The following ADARB2 variants were observed in gnomAD, a reference collection of about 807,000 sequenced individuals.
ADARB2 encodes the protein adenosine deaminase RNA specific B2 (inactive), also known as inactive double-stranded RNA-specific editase B2.
A neutral mutation model predicts 62.2 loss-of-function variants in ADARB2; 25 were observed. That is an observed-to-expected ratio of 0.40 (90% CI 0.29 to 0.56). The LOEUF is 0.56. Among genes scored for constraint, ADARB2 ranks in the 20% least tolerant of loss-of-function variants. The probability of loss-of-function intolerance (pLI) is 0.43; values close to 1 mark genes in which losing one functional copy is unlikely to be tolerated. For synonymous variants in ADARB2, 572 were observed against 500.8 expected, an observed-to-expected ratio of 1.14 and a Z score of -1.90; for missense variants, 1,071 against 1,077.4, an observed-to-expected ratio of 0.99 and a Z score of 0.08.
chr10:1,526,056 G>A (rs1024474522), intron 1 of ADARB2, among the ~76,000 whole-genome samples: 3 of 152,166 alleles, frequency 2.0e-5, no homozygotes, highest in Non-Finnish European at 4.4e-5. Context: ...TGTGTTGAGG[G>A]GCTGTTGCTC....
At chr10:1,350,808 T>G (rs1283840747) in intron 3 of ADARB2, among the ~76,000 whole-genome samples, 1 of 152,028 alleles carries the variant, frequency 6.6e-6, no homozygotes, top group Non-Finnish European at 1.5e-5. Flanking sequence ...ATTCCGGCCC[T>G]CAAACCCCAC....
At chr10:1,305,118 T>G (rs963857107) in intron 3 of ADARB2, among the ~76,000 whole-genome samples, 5 of 140,870 alleles carry the variant, frequency 3.5e-5, no homozygotes, top group African/African-American at 1.3e-4. Flanking sequence ...CAGGAGCTGG[T>G]TTTTTGAAAG....
At chr10:1,267,136 TA>T (rs551410020) in intron 4 of ADARB2, among the ~76,000 whole-genome samples, 4,820 of 129,372 alleles carry the variant, frequency 0.037, 81 homozygotes, top group South Asian at 0.06. Context: ...AAATCCAAGT[TA>T]AAAAAAAAAA....
chr10:1,686,897 G>T (rs1279180843), intron 1 of ADARB2, among the ~76,000 whole-genome samples: 3 of 151,860 alleles, frequency 2.0e-5, no homozygotes, highest in African/African-American at 4.8e-5. Flanking sequence ...CTAACTAATT[G>T]TGATCAAAGT....
chr10:1,283,086 A>T (rs1290744847), intron 3 of ADARB2, among the ~76,000 whole-genome samples: 1 of 152,198 alleles, frequency 6.6e-6, no homozygotes, highest in African/African-American at 2.4e-5. Context: ...ATGGAGGTCA[A>T]ATGCCAGCTC....
At chr10:1,221,180 G>A (rs1830692185) in intron 6 of ADARB2, among the ~76,000 whole-genome samples, 1 of 152,196 alleles carries the variant, frequency 6.6e-6, no homozygotes, top group African/African-American at 2.4e-5. Context: ...AGTGGATTTA[G>A]AGTGTGCCTG....
intron 1 of ADARB2, among the ~76,000 whole-genome samples, chr10:1,572,625 G>T (rs1029285642): frequency 6.6e-6 from 1 of 151,780 alleles, no homozygotes; most frequent in Non-Finnish European, 1.5e-5. Flanking sequence ...TAGGATGTGG[G>T]CAGAACTTGG....
chr10:1,220,554 A>G (rs74778897), intron 6 of ADARB2, among the ~76,000 whole-genome samples: 5,853 of 152,328 alleles, frequency 0.038, 362 homozygotes, highest in African/African-American at 0.13. Flanking sequence ...CATTGAAAGC[A>G]TGGAGGAGCC....
At chr10:1,666,695 C>T (rs1486276568) in intron 1 of ADARB2, among the ~76,000 whole-genome samples, 2 of 152,020 alleles carry the variant, frequency 1.3e-5, no homozygotes, top group African/African-American at 4.8e-5. Flanking sequence ...TTTTGAGGGG[C>T]GAGGGCATCT....
chr10:1,523,872 A>T (rs557574749), intron 1 of ADARB2, among the ~76,000 whole-genome samples: 9 of 152,318 alleles, frequency 5.9e-5, no homozygotes, highest in Admixed American at 2.0e-4. Flanking sequence ...TGGCCTGCAT[A>T]TTATAAACAG....
rs1031574201 is a variant in ADARB2 at position 1,695,811 on chromosome 10, CAT to C, written c.100+41238_100+41239del. Among the ~76,000 whole-genome samples, 23 of 151,780 alleles carry C rather than the reference CAT, an allele frequency of 1.5e-4. 1 individual carries two copies. The highest frequency in any genetic ancestry group is 3.4e-3 in the Middle Eastern group (1 of 294). On this transcript the variant is annotated intron_variant, in intron 1 of 9. Transcript: ENST00000381312. ...ATGGGTGCATGTGTGTATATATGTA[CAT>C]GTGTTTGTGAGAGTGCATGCATGTG...
chr10:1,379,650 C>T (rs551763664), intron 1 of ADARB2, among the ~76,000 whole-genome samples: 4 of 152,176 alleles, frequency 2.6e-5, no homozygotes, highest in African/African-American at 7.2e-5. Flanking sequence ...TGTCACTTAG[C>T]GGGTGTTTGG....
intron 1 of ADARB2, among the ~76,000 whole-genome samples, chr10:1,515,154 G>A (rs1831993138): frequency 6.6e-6 from 1 of 152,208 alleles, no homozygotes; most frequent in African/African-American, 2.4e-5. Flanking sequence ...GAACAAAATT[G>A]GAGAGGAAAA....
chr10:1,678,492 G>T (rs978844980), intron 1 of ADARB2, among the ~76,000 whole-genome samples: 4 of 152,072 alleles, frequency 2.6e-5, no homozygotes, highest in Admixed American at 2.6e-4. Context: ...GCATGCAGGG[G>T]GGCTGCCTGG....
At chr10:1,493,908 A>G (rs962493612) in intron 1 of ADARB2, among the ~76,000 whole-genome samples, 1 of 151,602 alleles carries the variant, frequency 6.6e-6, no homozygotes, top group African/African-American at 2.4e-5. Flanking sequence ...GGCGTGCGCC[A>G]CTACGCCTGG....
intron 2 of ADARB2, among the ~76,000 whole-genome samples, chr10:1,370,338 C>T (rs955404776): frequency 7.2e-5 from 11 of 152,222 alleles, no homozygotes; most frequent in Admixed American, 5.9e-4. Flanking sequence ...AAACCCACAG[C>T]CAACGTCACA....
At chr10:1,227,111 G>A (rs1830754862) in intron 6 of ADARB2, among the ~76,000 whole-genome samples, 1 of 152,248 alleles carries the variant, frequency 6.6e-6, no homozygotes, top group Admixed American at 6.5e-5. Flanking sequence ...GCAATGGCGG[G>A]CGCCCCTCCC....
intron 1 of ADARB2, among the ~76,000 whole-genome samples, chr10:1,562,503 A>G (rs1320027002): frequency 1.3e-5 from 2 of 152,214 alleles, no homozygotes; most frequent in Non-Finnish European, 2.9e-5. Flanking sequence ...TATGCGGTGC[A>G]GTCATGAGCT....
At chr10:1,585,516 C>T (rs1227690833) in intron 1 of ADARB2, among the ~76,000 whole-genome samples, 2 of 152,184 alleles carry the variant, frequency 1.3e-5, no homozygotes, top group Non-Finnish European at 2.9e-5. Context: ...GCTTCCTCTG[C>T]CCTATTGCTT....
Sources: allele counts gnomAD v4.1 joint callset (sites outside exome capture counted in the v4.1 genomes callset), GRCh38; gene constraint gnomAD v4.1.1; transcripts MANE v1.5; gene names NCBI Gene and HGNC (gene_info 2026-07-23, HGNC 2026-07-21).